NFASC: variants seen among roughly 807,000 people sequenced by gnomAD.
NFASC encodes the protein neurofascin homolog.
Under a neutral mutation model 147.5 loss-of-function variants are expected in NFASC, and 43 were observed. That is an observed-to-expected ratio of 0.29 (90% confidence interval 0.23 to 0.38). The LOEUF (loss-of-function observed/expected upper bound fraction) is 0.38. Ranked by LOEUF, NFASC falls within the 10% of genes least tolerant of loss-of-function variation. The pLI, the probability that NFASC is intolerant of heterozygous loss-of-function variation, is 1.00. For missense variants in NFASC, 1,320 were observed against 1,689.0 expected, an observed-to-expected ratio of 0.78 and a Z score of 3.83; for synonymous variants, 622 against 665.5, an observed-to-expected ratio of 0.93 and a Z score of 1.01.
intron 2 of NFASC, among the ~76,000 whole-genome samples, chr1:204,927,572 G>A (rs2091845978): frequency 6.6e-6 from 1 of 152,052 alleles, no homozygotes; most frequent in African/African-American, 2.4e-5. Context: ...AGCTCCTGAA[G>A]TATTTTTATA....
intron 1 of NFASC, among the ~76,000 whole-genome samples, chr1:204,835,940 G>A (rs1673666978): frequency 6.6e-6 from 1 of 152,218 alleles, no homozygotes; most frequent in Admixed American, 6.5e-5. Context: ...TTTCTGGGAT[G>A]AGAGTGAATG....
At chr1:204,895,637 G>A (rs1350721933) in intron 1 of NFASC, among the ~76,000 whole-genome samples, 13 of 152,136 alleles carry the variant, frequency 8.5e-5, no homozygotes, top group Non-Finnish European at 1.5e-5. Context: ...GAAATGCATT[G>A]CCTATAAACT....
At chr1:204,995,354 ATGTG>A (rs2095825528) in intron 24 of NFASC, among the ~76,000 whole-genome samples, 1 of 96,930 alleles carries the variant, frequency 1.0e-5, no homozygotes, top group African/African-American at 3.9e-5. Flanking sequence ...GTGTGTGTGT[ATGTG>A]TGTCGGTGGG....
At chr1:204,874,406 G>A (rs1422191884) in intron 1 of NFASC, among the ~76,000 whole-genome samples, 1 of 152,192 alleles carries the variant, frequency 6.6e-6, no homozygotes, top group Non-Finnish European at 1.5e-5. Flanking sequence ...TCTGGTGTAC[G>A]CCAGGCTTCT....
At chr1:204,942,423 A>G (rs555500149) in intron 2 of NFASC, among the ~76,000 whole-genome samples, 1 of 152,108 alleles carries the variant, frequency 6.6e-6, no homozygotes, top group African/African-American at 2.4e-5. Flanking sequence ...AGCAGAGGGG[A>G]TGCATTATGC....
chr1:205,014,605 C>A (rs2096312724), intron 29 of NFASC, among the ~76,000 whole-genome samples: 1 of 152,122 alleles, frequency 6.6e-6, no homozygotes, highest in Non-Finnish European at 1.5e-5. Flanking sequence ...CCTAGTCATT[C>A]TAGTTTCTTT....
chr1:204,918,292 T>C (rs1363862593), intron 1 of NFASC, among the ~76,000 whole-genome samples: 1 of 152,208 alleles, frequency 6.6e-6, no homozygotes, highest in East Asian at 1.9e-4. Context: ...ACAGGCCACA[T>C]GCAGTCCAGG....
intron 1 of NFASC, among the ~76,000 whole-genome samples, chr1:204,911,741 A>C (rs1209315938): frequency 6.6e-6 from 1 of 152,186 alleles, no homozygotes; most frequent in Non-Finnish European, 1.5e-5. Context: ...AATTCTCTAG[A>C]GAAACCATCT....
chr1:204,858,782 C>T (rs2076394827), intron 1 of NFASC, among the ~76,000 whole-genome samples: 1 of 152,128 alleles, frequency 6.6e-6, no homozygotes, highest in Non-Finnish European at 1.5e-5. Flanking sequence ...GGGCTCCCAA[C>T]AGCCATGGCA....
intron 1 of NFASC, among the ~76,000 whole-genome samples, chr1:204,904,153 G>A (rs1422244085): frequency 6.6e-6 from 1 of 152,168 alleles, no homozygotes; most frequent in Non-Finnish European, 1.5e-5. Context: ...AAGCTGGAGT[G>A]CAGGTACAAT....
chr1:205,012,724 C>T, intron 28 of NFASC, 73 bp from the exon 29 acceptor site: 2 of 1,130,078 alleles, frequency 1.8e-6, no homozygotes, highest in Non-Finnish European at 2.7e-6. Context: ...GCCCTGCATT[C>T]AGTGGAGCCC....
Position 205,020,445 on chromosome 1 carries a change from A to C in NFASC, c.*3906A>C, listed in dbSNP as rs115166449. On this transcript the variant is annotated 3_prime_UTR_variant, in exon 30 of 30. Transcript: ENST00000339876. ...GGTTAGTCCACATCCAAGTTGCGTG[A>C]GATAAGATGCAAAGGGCTCTGTGTG... 1.0e-3 allele frequency: 154 copies of C among 152,344 alleles called. 1 individual carries two copies. The highest frequency in any genetic ancestry group is 3.6e-3 in the African/African-American group (151 of 41,570). The allele number at this position is 152,344 out of a possible 1,614,324, so 9.4% of individuals were successfully genotyped here.
chr1:204,857,275 C>A (rs1011693917), intron 1 of NFASC, among the ~76,000 whole-genome samples: 3 of 152,202 alleles, frequency 2.0e-5, no homozygotes, highest in African/African-American at 7.2e-5. Context: ...AAAGTGGGCC[C>A]AAAATCCCAC....
intron 1 of NFASC, among the ~76,000 whole-genome samples, chr1:204,881,610 TC>T (rs1398583962): frequency 6.6e-6 from 1 of 152,032 alleles, no homozygotes; most frequent in Non-Finnish European, 1.5e-5. Flanking sequence ...AGCCCTGCCG[TC>T]AATGAGCTTC....
intron 2 of NFASC, among the ~76,000 whole-genome samples, chr1:204,939,111 A>G (rs2093150238): frequency 6.8e-6 from 1 of 146,978 alleles, no homozygotes; most frequent in Non-Finnish European, 1.5e-5. Context: ...GACCTCAGAT[A>G]TACATGAGCT....
At chr1:204,855,259 A>G (rs2076054125) in intron 1 of NFASC, among the ~76,000 whole-genome samples, 1 of 152,262 alleles carries the variant, frequency 6.6e-6, no homozygotes, top group South Asian at 2.1e-4. Context: ...TTACCCATGC[A>G]GAAAAAGACT....
At chr1:204,864,201 C>A (rs2076932939) in intron 1 of NFASC, among the ~76,000 whole-genome samples, 1 of 152,124 alleles carries the variant, frequency 6.6e-6, no homozygotes, top group Admixed American at 6.5e-5. Context: ...GAACTTCATT[C>A]TTTTTTATTG....
intron 2 of NFASC, among the ~76,000 whole-genome samples, chr1:204,935,457 G>C (rs1381709390): frequency 6.6e-6 from 1 of 152,228 alleles, no homozygotes; most frequent in Non-Finnish European, 1.5e-5. Context: ...GGGCAAACTA[G>C]AAGTGGGCAT....
At position 204,976,767 on chromosome 1, in the gene NFASC, C is replaced by G; in HGVS notation, c.1803C>G (p.Asp601Glu). 6.2e-7 allele frequency: 1 copy of G among 1,614,066 alleles called. No homozygotes were observed. Among genetic ancestry groups the G allele is most frequent in the African/African-American group, 1.3e-5 (1 of 75,054 alleles). Residue 601 changes from aspartate (D) to glutamate (E), a missense_variant, in exon 16 of 30, where the codon GAC becomes GAG. Around this residue, in one of 3 missense-constraint regions of NFASC, gnomAD observed 981 missense variants for 1,289.5 expected, o/e 0.76. Coordinates refer to ENST00000339876, the MANE Select transcript of NFASC (RefSeq NM_001005388.3). ...TCVASTELDQ[D>E]LAKAYLTVLA... is the part of the protein sequence containing the mutation. ...TCGCCAGCACCGAGCTAGACCAAGA[C>G]CTGGCCAAGGCCTACCTCACCGTGC...
Sources: gnomAD v4.1 joint callset for allele counts (sites outside exome capture counted in the v4.1 genomes callset) on GRCh38, gnomAD v4.1.1 for gene constraint, gnomAD v4.1.1 regional missense constraint, MANE v1.5 for transcripts, NCBI Gene and HGNC (gene_info 2026-07-23, HGNC 2026-07-21) for gene names.